The following FRMPD4 variants were observed in gnomAD, a reference collection of about 807,000 sequenced individuals.
FRMPD4 encodes the protein FERM and PDZ domain-containing protein 4.
Under a neutral mutation model 94.1 loss-of-function variants are expected in FRMPD4, and 22 were observed. The observed-to-expected ratio is 0.23, with a 90% CI of 0.17 to 0.33. FRMPD4 has a LOEUF of 0.33. FRMPD4 is among the 10% of genes least tolerant of loss of function. The probability of loss-of-function intolerance (pLI) is 1.00; values close to 1 mark genes in which losing one functional copy is unlikely to be tolerated. For synonymous variants in FRMPD4, 631 were observed against 548.6 expected (o/e 1.15, Z -2.10); for missense variants, 1,111 against 1,339.9 (o/e 0.83, Z 2.67).
At chrX:12,518,248 G>A (rs768769739) in intron 2 of FRMPD4, among the ~76,000 whole-genome samples, 13 of 111,850 alleles carry the variant, frequency 1.2e-4, no homozygotes, top group Admixed American at 8.5e-4. Flanking sequence ...GTCTCCAGCC[G>A]AGTGGCTGCT....
chrX:12,625,989 T>C (rs1362555045), intron 4 of FRMPD4, among the ~76,000 whole-genome samples: 3 of 111,640 alleles, frequency 2.7e-5, no homozygotes, highest in Non-Finnish European at 3.8e-5. Context: ...TGGGGATAGA[T>C]AGCAACACTT....
intron 3 of FRMPD4, among the ~76,000 whole-genome samples, chrX:12,038,700 C>T (rs778926385): frequency 4.8e-4 from 54 of 111,857 alleles, no homozygotes; most frequent in African/African-American, 1.6e-3. Context: ...AGGAATTTGT[C>T]TATGTCAACT....
Position 12,452,927 on chromosome X carries a change from C to G in FRMPD4, c.42-45753C>G, listed in dbSNP as rs528155991. Among the ~76,000 whole-genome samples the G allele has an allele frequency of 5.3e-5, 6 of 112,155 alleles. No individual in the cohort carries two copies. In the South Asian group the frequency reaches 1.9e-3, roughly 35 times the overall value. On this transcript the variant is annotated intron_variant, in intron 1 of 16. Coordinates refer to ENST00000675598, the MANE Select transcript of FRMPD4 (RefSeq NM_001368397.1). ...CTGTCCTGGAGCTCCAAATGGCAAG[C>G]CCAGGCTTCCAGCCCGGCATGGATA... is the stretch of plus-strand genomic sequence containing the variant.
intron 1 of FRMPD4, among the ~76,000 whole-genome samples, chrX:12,467,430 G>C (rs1484610236): frequency 8.9e-6 from 1 of 112,041 alleles, no homozygotes; most frequent in Non-Finnish European, 1.9e-5. Flanking sequence ...TCTGGCAATT[G>C]TTTCTTTGCA....
chrX:12,683,149 C>T (rs141566161), intron 5 of FRMPD4, among the ~76,000 whole-genome samples: 6,176 of 111,889 alleles, frequency 0.055, 157 homozygotes, highest in Middle Eastern at 0.083. Context: ...CTGACTACCA[C>T]CTCACCTTGA....
chrX:11,846,831 G>T (rs1192254509), intron 1 of FRMPD4, among the ~76,000 whole-genome samples: 1 of 110,869 alleles, frequency 9.0e-6, no homozygotes, highest in Non-Finnish European at 1.9e-5. Flanking sequence ...TAGCCATATG[G>T]AGAAAGCTAA....
intron 4 of FRMPD4, among the ~76,000 whole-genome samples, chrX:12,665,143 A>G (rs1250645210): frequency 2.7e-5 from 3 of 110,531 alleles, no homozygotes; most frequent in Non-Finnish European, 5.7e-5. Flanking sequence ...GTTAATCTTT[A>G]AAAAAGAAAA....
Position 12,362,638 on chromosome X carries a change from C to T in FRMPD4, c.42-136042C>T, listed in dbSNP as rs574962859. ...CATTTGGGTTGGTTCCAAGTCTTTG[C>T]TATTGTGAATAGTGCCGCAATAAAC... On this transcript the variant is annotated intron_variant, in intron 1 of 16. Transcript: ENST00000675598. Among the ~76,000 whole-genome samples, 31 of 111,512 alleles carry T rather than the reference C, an allele frequency of 2.8e-4. No individual in the cohort carries two copies. In the South Asian group the frequency reaches 0.01, roughly 37 times the overall value.
chrX:12,420,247 A>G (rs892300260), intron 1 of FRMPD4, among the ~76,000 whole-genome samples: 22 of 111,430 alleles, frequency 2.0e-4, no homozygotes, highest in African/African-American at 6.9e-4. Context: ...GCAATCTCCA[A>G]GCTCTGTGTC....
intron 3 of FRMPD4, among the ~76,000 whole-genome samples, chrX:12,101,294 T>G (rs2055253737): frequency 1.8e-5 from 2 of 111,754 alleles, no homozygotes; most frequent in African/African-American, 6.5e-5. Context: ...GAGGGGCATC[T>G]GGCTCTGTGC....
At chrX:12,221,966 A>G (rs992231837) in intron 1 of FRMPD4, among the ~76,000 whole-genome samples, 1 of 112,184 alleles carries the variant, frequency 8.9e-6, no homozygotes. Flanking sequence ...GAAAATAAAG[A>G]TATGTACATA....
intron 11 of FRMPD4, 68 bp downstream of exon 11, chrX:12,704,553 A>G (rs1248219135): frequency 1.3e-6 from 1 of 762,487 alleles, no homozygotes; most frequent in Non-Finnish European, 1.9e-6. Context: ...TAAATGTTTA[A>G]AATTAGCTCA....
rs1439678018 is a variant in FRMPD4, at chrX:12,085,697, T to G, written c.95+207679T>G. Among the ~76,000 whole-genome samples the G allele has an allele frequency of 1.7e-4, 19 of 110,642 alleles. No homozygotes were observed. In the Admixed American group the frequency reaches 1.8e-3, roughly 11 times the overall value. ...GACCAGCCTGGGCAACATAGTGAGA[T>G]CCCATCTCTACAAAAAATATAAAAA... On this transcript the variant is annotated intron_variant, in intron 3 of 18. Coordinates refer to the FRMPD4 transcript ENST00000640291.
At chrX:12,660,857 C>T (rs1163514902) in intron 4 of FRMPD4, among the ~76,000 whole-genome samples, 1 of 111,705 alleles carries the variant, frequency 9.0e-6, no homozygotes, top group Non-Finnish European at 1.9e-5. Flanking sequence ...GAGGAGATAT[C>T]CAAGATGGCT....
intron 1 of FRMPD4, among the ~76,000 whole-genome samples, chrX:12,366,903 G>T (rs760793327): frequency 9.0e-6 from 1 of 111,405 alleles, no homozygotes; most frequent in Non-Finnish European, 1.9e-5. Flanking sequence ...GGGTAGAGGG[G>T]TACCAACCCA....
intron 4 of FRMPD4, among the ~76,000 whole-genome samples, chrX:12,626,230 G>A (rs2059345498): frequency 9.2e-6 from 1 of 108,345 alleles, no homozygotes; most frequent in African/African-American, 3.4e-5. Context: ...TCGAGAGGCT[G>A]AGGCAGGAGA....
chrX:12,087,947 C>G (rs1241733363), intron 3 of FRMPD4, among the ~76,000 whole-genome samples: 1 of 112,229 alleles, frequency 8.9e-6, no homozygotes, highest in Non-Finnish European at 1.9e-5. Context: ...GCCTTTGCTG[C>G]AGGCGTATAC....
chrX:12,536,327 G>A (rs908681181), intron 2 of FRMPD4, among the ~76,000 whole-genome samples: 3 of 97,471 alleles, frequency 3.1e-5, no homozygotes, highest in Non-Finnish European at 4.2e-5. Context: ...AAGAAATCAC[G>A]AAAAATTGTG....
At chrX:12,057,582 A>G (rs1052016135) in intron 3 of FRMPD4, among the ~76,000 whole-genome samples, 1 of 111,572 alleles carries the variant, frequency 9.0e-6, no homozygotes, top group African/African-American at 3.3e-5. Flanking sequence ...TTCTATTCCT[A>G]GTAACCACAA....
Sources: gnomAD v4.1 joint callset for allele counts (sites outside exome capture counted in the v4.1 genomes callset) on GRCh38, gnomAD v4.1.1 for gene constraint, MANE v1.5 for transcripts, NCBI Gene and HGNC (gene_info 2026-07-23, HGNC 2026-07-21) for gene names.